ANXA8: variants seen among roughly 807,000 people sequenced by gnomAD.
ANXA8 encodes VAC-beta.
In ANXA8, 9 loss-of-function variants were observed where a neutral mutation model predicts 26.8. The ratio of observed to expected loss-of-function variants is 0.34; its 90% CI spans 0.20 to 0.59. ANXA8 has a LOEUF of 0.59. Ranked by LOEUF, ANXA8 falls within the 20% of genes least tolerant of loss-of-function variation. ANXA8 has a pLI of 0.84. For missense variants in ANXA8, 83 were observed against 238.5 expected (o/e 0.35, Z 4.29); for synonymous variants, 39 against 94.8 (o/e 0.41, Z 3.42).
the ANXA8 span, among the ~76,000 whole-genome samples, chr10:47,976,723 T>C: frequency 6.7e-6 from 1 of 149,170 alleles, no homozygotes; most frequent in Non-Finnish European, 1.5e-5. Flanking sequence ...AAAAGGCACA[T>C]TCCCAGGGAT....
the ANXA8 span, among the ~76,000 whole-genome samples, chr10:47,685,969 C>A: frequency 6.7e-6 from 1 of 149,114 alleles, no homozygotes; most frequent in South Asian, 2.1e-4. Flanking sequence ...CATAGTAGGC[C>A]TGTCCCTTGG....
At chr10:47,975,663 G>A in the ANXA8 span, among the ~76,000 whole-genome samples, 1 of 151,264 alleles carries the variant, frequency 6.6e-6, no homozygotes, top group African/African-American at 2.4e-5. Flanking sequence ...AGGGTAGCTG[G>A]GGTCATTAAA....
At chr10:47,683,853 A>G in the ANXA8 span, among the ~76,000 whole-genome samples, 1 of 151,480 alleles carries the variant, frequency 6.6e-6, no homozygotes, top group Admixed American at 6.6e-5. Flanking sequence ...ATGAAAAGGC[A>G]TTACTACAGG....
chr10:47,918,383 G>GAGAGAGAA, the ANXA8 span, among the ~76,000 whole-genome samples: 3 of 10,502 alleles, frequency 2.9e-4, no homozygotes, highest in Admixed American at 1.4e-3. Flanking sequence ...GAGAGAGAGA[G>GAGAGAGAA]AGAAAGAAAG....
chr10:47,495,255 CATTATTATTATTATTATT>C, the ANXA8 span, among the ~76,000 whole-genome samples: 2 of 102,998 alleles, frequency 1.9e-5, no homozygotes, highest in African/African-American at 3.3e-5. Context: ...AGAAACATGG[CATTATTATTATTATTATT>C]ATTATTATTA....
At chr10:47,622,227 C>T in the ANXA8 span, among the ~76,000 whole-genome samples, 5 of 112,178 alleles carry the variant, frequency 4.5e-5, 2 homozygotes, top group African/African-American at 6.9e-5. Flanking sequence ...TAGTACTACC[C>T]GCTTTGTCCT....
chr10:47,951,470 A>C, the ANXA8 span, among the ~76,000 whole-genome samples: 2 of 150,028 alleles, frequency 1.3e-5, no homozygotes, highest in Non-Finnish European at 2.9e-5. Flanking sequence ...TCAAACTCAG[A>C]GAAAAGATAC....
chr10:47,560,647 C>T, the ANXA8 span, among the ~76,000 whole-genome samples: 10 of 151,978 alleles, frequency 6.6e-5, no homozygotes, highest in Non-Finnish European at 2.9e-5. Context: ...TTGTGACGCC[C>T]ATCCTAGGAG....
the ANXA8 span, among the ~76,000 whole-genome samples, chr10:47,767,776 C>A: frequency 6.6e-6 from 1 of 151,528 alleles, no homozygotes; most frequent in African/African-American, 2.4e-5. Flanking sequence ...GGAAGAGACA[C>A]CTCCTTTCTG....
the ANXA8 span, among the ~76,000 whole-genome samples, chr10:47,968,149 C>CTGTGCT: frequency 6.7e-6 from 1 of 149,824 alleles, no homozygotes; most frequent in East Asian, 2.0e-4. Context: ...CCTGCCACCA[C>CTGTGCT]TGTGCTTGGC....
chr10:47,525,802 A>ATTTT, the ANXA8 span, among the ~76,000 whole-genome samples: 3 of 80,506 alleles, frequency 3.7e-5, no homozygotes, highest in Admixed American at 1.4e-4. Context: ...GCTGAACACT[A>ATTTT]TTTTTTTTTT....
chr10:47,913,933 CTTTTTTT>C, the ANXA8 span, among the ~76,000 whole-genome samples: 2 of 32,544 alleles, frequency 6.1e-5, no homozygotes, highest in Non-Finnish European at 1.3e-4. Context: ...TTAGAATCTT[CTTTTTTT>C]TTTTTTTTTT....
the ANXA8 span, among the ~76,000 whole-genome samples, chr10:47,896,909 TTTA>T: frequency 8.3e-6 from 1 of 119,790 alleles, no homozygotes; most frequent in African/African-American, 3.0e-5. Flanking sequence ...AGAGATTTTA[TTTA>T]TTTATTTATT....
the ANXA8 span, among the ~76,000 whole-genome samples, chr10:47,943,867 T>C: frequency 6.8e-6 from 1 of 147,726 alleles, no homozygotes; most frequent in African/African-American, 2.6e-5. Context: ...TCCTGCCTGG[T>C]CCGGGGCAGT....
the ANXA8 span, among the ~76,000 whole-genome samples, chr10:47,985,171 G>T: frequency 4.0e-5 from 6 of 148,924 alleles, 1 homozygote; most frequent in Admixed American, 4.0e-4. Context: ...GACATGAAGA[G>T]ACATTTCATG....
At chr10:47,693,566 A>C in the ANXA8 span, among the ~76,000 whole-genome samples, 1 of 152,080 alleles carries the variant, frequency 6.6e-6, no homozygotes, top group Non-Finnish European at 1.5e-5. Flanking sequence ...CTGGGATTAC[A>C]GGCGTGAGCC....
the ANXA8 span, among the ~76,000 whole-genome samples, chr10:47,680,592 G>A: frequency 0.026 from 3,927 of 150,414 alleles, 53 homozygotes; most frequent in African/African-American, 0.092. Flanking sequence ...CTGAGATTGC[G>A]CCATCGCACT....
At chr10:47,505,914 G>A in the ANXA8 span, among the ~76,000 whole-genome samples, 9 of 137,972 alleles carry the variant, frequency 6.5e-5, no homozygotes, top group African/African-American at 2.4e-4. Context: ...AGGGAAATAC[G>A]TATTTGTTCC....
the ANXA8 span, among the ~76,000 whole-genome samples, chr10:47,760,262 G>A: frequency 1.0e-4 from 6 of 59,564 alleles, no homozygotes; most frequent in African/African-American, 2.5e-4. Context: ...CTTCCATGGC[G>A]TCTAGGGAAT....
Sources: gnomAD v4.1 joint callset for allele counts (sites outside exome capture counted in the v4.1 genomes callset) on GRCh38, gnomAD v4.1.1 for gene constraint, MANE v1.5 for transcripts, NCBI Gene and HGNC (gene_info 2026-07-23, HGNC 2026-07-21) for gene names.